The following SFMBT1 variants were observed in gnomAD, a reference collection of about 807,000 sequenced individuals.
SFMBT1 encodes Scm like with four mbt domains 1, also known as scm-like with four MBT domains protein 1.
Under a neutral mutation model 108.7 loss-of-function variants are expected in SFMBT1, and 32 were observed. The ratio of observed to expected loss-of-function variants is 0.29; its 90% CI spans 0.22 to 0.40. The LOEUF (loss-of-function observed/expected upper bound fraction) is 0.40. Ranked by LOEUF, SFMBT1 falls within the 10% of genes least tolerant of loss-of-function variation. SFMBT1 has a pLI of 1.00. For missense variants in SFMBT1, 816 were observed against 1,059.6 expected, an observed-to-expected ratio of 0.77 and a Z score of 3.19; for synonymous variants, 348 against 369.5, an observed-to-expected ratio of 0.94 and a Z score of 0.67.
At chr3:52,931,936 T>C in intron 6 of SFMBT1, 126 bp downstream of exon 6, 1 of 1,091,308 alleles carries the variant, frequency 9.2e-7, no homozygotes, top group Non-Finnish European at 1.3e-6. Flanking sequence ...AACTGTTTTG[T>C]AATAGCTCTA....
intron 3 of SFMBT1, 70 bp from the exon 4 acceptor site, chr3:52,943,663 T>C (rs1703266930): frequency 1.3e-6 from 2 of 1,594,060 alleles, no homozygotes; most frequent in Non-Finnish European, 1.7e-6. Context: ...CAATGTTCTT[T>C]TTTAAGACTT....
intron 1 of SFMBT1, among the ~76,000 whole-genome samples, chr3:52,995,124 A>G (rs748376339): frequency 4.7e-5 from 7 of 149,112 alleles, no homozygotes; most frequent in Non-Finnish European, 7.5e-5. Flanking sequence ...AAAAATACCT[A>G]AATAAATGGA....
chr3:52,981,036 C>A (rs1362671848), intron 1 of SFMBT1, among the ~76,000 whole-genome samples: 3 of 151,992 alleles, frequency 2.0e-5, no homozygotes, highest in African/African-American at 7.3e-5. Context: ...GTGGCACATG[C>A]CTGTAATCCC....
intron 4 of SFMBT1, among the ~76,000 whole-genome samples, chr3:52,938,356 T>A (rs1226985247): frequency 3.9e-5 from 6 of 152,198 alleles, no homozygotes; most frequent in African/African-American, 1.4e-4. Flanking sequence ...TATGTAGTTT[T>A]TTTTACTATG....
At chr3:52,907,508 T>G (rs778883618) in intron 18 of SFMBT1, 47 bp downstream of exon 18, 1 of 1,581,394 alleles carries the variant, frequency 6.3e-7, no homozygotes, top group Middle Eastern at 1.9e-4. Context: ...TATAAAGCAG[T>G]GGTCACTTGG....
At chr3:52,990,047 T>C (rs1705068801) in intron 1 of SFMBT1, among the ~76,000 whole-genome samples, 1 of 152,330 alleles carries the variant, frequency 6.6e-6, no homozygotes, top group African/African-American at 2.4e-5. Flanking sequence ...CAAAGGCTAG[T>C]TGTCTTTTAG....
chr3:52,934,430 CA>C (rs34039062), intron 5 of SFMBT1, among the ~76,000 whole-genome samples: 79,400 of 114,226 alleles, frequency 0.7, 25,505 homozygotes, highest in South Asian at 0.83. Flanking sequence ...GTGTTCCAAG[CA>C]AAAAAAAAAA....
intron 17 of SFMBT1, among the ~76,000 whole-genome samples, chr3:52,908,934 T>C (rs1702148812): frequency 6.6e-6 from 1 of 152,244 alleles, no homozygotes; most frequent in Admixed American, 6.5e-5. Context: ...AGAGAGAGAC[T>C]AAGTCTTCCA....
intron 1 of SFMBT1, among the ~76,000 whole-genome samples, chr3:52,980,144 T>C (rs1704659366): frequency 6.6e-6 from 1 of 152,114 alleles, no homozygotes; most frequent in African/African-American, 2.4e-5. Flanking sequence ...ATATCAAAAC[T>C]TATACAAACA....
chr3:53,034,054 G>T (rs1488029455), intron 1 of SFMBT1, among the ~76,000 whole-genome samples: 1 of 81,970 alleles, frequency 1.2e-5, no homozygotes, highest in Admixed American at 1.9e-4. Flanking sequence ...TGGGCAACAA[G>T]AGCAAAACTC....
At chr3:53,026,507 A>C (rs1699496590) in intron 1 of SFMBT1, among the ~76,000 whole-genome samples, 1 of 146,896 alleles carries the variant, frequency 6.8e-6, no homozygotes, top group Non-Finnish European at 1.5e-5. Flanking sequence ...CAGAGAATAC[A>C]AAGTAAAAAG....
intron 2 of SFMBT1, among the ~76,000 whole-genome samples, chr3:52,966,946 TAA>T (rs573389668): frequency 4.7e-5 from 7 of 148,256 alleles, no homozygotes; most frequent in South Asian, 4.3e-4. Context: ...AAGATTGTGA[TAA>T]GTTATATATA....
chr3:53,027,048 G>A (rs1224753287), intron 1 of SFMBT1, among the ~76,000 whole-genome samples: 1 of 152,120 alleles, frequency 6.6e-6, no homozygotes, highest in Non-Finnish European at 1.5e-5. Context: ...CTCCCAAAGT[G>A]CTAGGATTAT....
intron 1 of SFMBT1, among the ~76,000 whole-genome samples, chr3:52,982,694 A>C (rs559215854): frequency 7.4e-6 from 1 of 134,588 alleles, no homozygotes; most frequent in Non-Finnish European, 1.5e-5. Flanking sequence ...GCGGCACTGC[A>C]CTCCAGCCTG....
chr3:53,017,932 C>T (rs1006453672), intron 1 of SFMBT1, among the ~76,000 whole-genome samples: 1 of 152,120 alleles, frequency 6.6e-6, no homozygotes, highest in African/African-American at 2.4e-5. Context: ...AAATTGCATA[C>T]TTAGAAAATT....
intron 17 of SFMBT1, among the ~76,000 whole-genome samples, chr3:52,908,295 A>G (rs1198829695): frequency 2.0e-5 from 3 of 151,754 alleles, no homozygotes; most frequent in East Asian, 3.9e-4. Flanking sequence ...GATGGTTTCA[A>G]TCTCTTGACC....
intron 3 of SFMBT1, among the ~76,000 whole-genome samples, chr3:52,947,646 T>C (rs1703417141): frequency 6.6e-6 from 1 of 152,172 alleles, no homozygotes; most frequent in South Asian, 2.1e-4. Flanking sequence ...CACTATGATG[T>C]CTTTTGATAA....
At chr3:52,940,890 T>C (rs949755485) in intron 4 of SFMBT1, among the ~76,000 whole-genome samples, 2 of 152,212 alleles carry the variant, frequency 1.3e-5, no homozygotes, top group Non-Finnish European at 2.9e-5. Flanking sequence ...TCTGATATCA[T>C]GCACTGGAAG....
At chr3:53,014,445 G>A (rs982761000) in intron 1 of SFMBT1, among the ~76,000 whole-genome samples, 1 of 151,738 alleles carries the variant, frequency 6.6e-6, no homozygotes, top group Non-Finnish European at 1.5e-5. Context: ...ACTCCCGCCT[G>A]GGTGACAGAG....
Sources: gnomAD v4.1 joint callset for allele counts (sites outside exome capture counted in the v4.1 genomes callset) on GRCh38, gnomAD v4.1.1 for gene constraint, MANE v1.5 for transcripts, NCBI Gene and HGNC (gene_info 2026-07-23, HGNC 2026-07-21) for gene names.